NEK7: variants seen among roughly 807,000 people sequenced by gnomAD.
NEK7 encodes NIMA related kinase 7.
Under a neutral mutation model 44.6 loss-of-function variants are expected in NEK7, and 18 were observed. That is an observed-to-expected ratio of 0.40 (90% CI 0.28 to 0.60). NEK7 has a LOEUF of 0.60. Among genes scored for constraint, NEK7 ranks in the 20% least tolerant of loss-of-function variants. The pLI is 0.38. For missense variants in NEK7, 256 were observed against 366.5 expected (o/e 0.70, Z 2.46); for synonymous variants, 130 against 121.1 (o/e 1.07, Z -0.48).
chr1:198,225,204 A>G (rs191332860), intron 1 of NEK7, among the ~76,000 whole-genome samples: 11 of 151,842 alleles, frequency 7.2e-5, no homozygotes, highest in Admixed American at 7.2e-4. Flanking sequence ...AAAAAATTAT[A>G]AAAAAATTTA....
intron 1 of NEK7, among the ~76,000 whole-genome samples, chr1:198,218,107 G>T (rs80143388): frequency 4.7e-4 from 71 of 151,922 alleles, no homozygotes; most frequent in African/African-American, 1.7e-3. Context: ...AGCCCAAATT[G>T]CTAAAACAAT....
At position 198,321,674 on chromosome 1, in the gene NEK7, G is replaced by C. The variant is rs888525408; in HGVS notation, c.*2152G>C. 6.6e-6 allele frequency: 1 copy of C among 152,018 alleles called. No individual in the cohort carries two copies. The highest frequency in any genetic ancestry group is 1.5e-5 in the Non-Finnish European group (1 of 67,928). 9.4% of individuals were successfully genotyped at this position (152,018 alleles called of 1,614,324 possible). The stretch of plus-strand genomic sequence containing the variant: ...GTGGAAACTTTTTGCTTCGAATATT[G>C]TATCTTTTTAAATCTAAATGTTCAT... On this transcript the variant is annotated 3_prime_UTR_variant, in exon 10 of 10. Transcript: ENST00000367385.
intron 7 of NEK7, among the ~76,000 whole-genome samples, chr1:198,282,712 G>A (rs1654244439): frequency 6.6e-6 from 1 of 152,076 alleles, no homozygotes; most frequent in Non-Finnish European, 1.5e-5. Flanking sequence ...TGATGAAGAT[G>A]CAGAGAAAGA....
intron 2 of NEK7, among the ~76,000 whole-genome samples, chr1:198,241,867 G>A (rs1666694050): frequency 6.6e-6 from 1 of 152,182 alleles, no homozygotes; most frequent in African/African-American, 2.4e-5. Context: ...CAAAAATGAT[G>A]ATGATGACTG....
intron 5 of NEK7, among the ~76,000 whole-genome samples, chr1:198,276,831 TCAG>T (rs987448688): frequency 1.3e-5 from 2 of 151,718 alleles, no homozygotes; most frequent in Admixed American, 6.6e-5. Context: ...AGTAAGGATA[TCAG>T]CAGATTTCCT....
At chr1:198,212,807 C>T (rs1665814213) in intron 1 of NEK7, among the ~76,000 whole-genome samples, 1 of 152,240 alleles carries the variant, frequency 6.6e-6, no homozygotes, top group Non-Finnish European at 1.5e-5. Context: ...CGGCTGGAGG[C>T]CAACCAGCAC....
In NEK7 at chr1:198,278,957, T is replaced by C. The variant is rs1301055508; in HGVS notation, c.485T>C (p.Ile162Thr). Reference protein sequence around the residue: ...MHSRRVMHRDIKPANVFITAT... With the variant: ...MHSRRVMHRDTKPANVFITAT... ...TGATCCCTTCATTTATTCACAGATA[T>C]AAAACCAGCTAATGTGTTCATTACA... Residue 162 changes from isoleucine (I) to threonine (T), a missense_variant, in exon 7 of 10, where the codon ATA (isoleucine) becomes ACA (threonine). Around this residue, in one of 3 missense-constraint regions of NEK7, gnomAD observed 102 missense variants for 205.2 expected, o/e 0.50. Coordinates refer to ENST00000367385, the MANE Select transcript of NEK7 (RefSeq NM_133494.3). 1 of 1,584,696 alleles carries C rather than the reference T, an allele frequency of 6.3e-7. No individual in the cohort carries two copies. The highest frequency in any genetic ancestry group is 1.7e-5 in the Admixed American group (1 of 59,308).
chr1:198,201,074 T>C (rs1312735647), intron 1 of NEK7, among the ~76,000 whole-genome samples: 1 of 152,246 alleles, frequency 6.6e-6, no homozygotes. Context: ...TTGTGGTACA[T>C]AATGTGTGGA....
At chr1:198,195,688 G>T (rs186795022) in intron 1 of NEK7, among the ~76,000 whole-genome samples, 49 of 152,192 alleles carry the variant, frequency 3.2e-4, no homozygotes, top group African/African-American at 1.1e-3. Flanking sequence ...AGCCAGGTGT[G>T]GTGGTGCACA....
chr1:198,194,185 A>T lies in NEK7; in HGVS notation c.-29+36909A>T, dbSNP rs1665158647. 4.6e-5 allele frequency among the ~76,000 whole-genome samples: 7 copies of T among 152,234 alleles called. No homozygotes were observed. In the South Asian group the frequency reaches 1.5e-3, roughly 32 times the overall value. On this transcript the variant is annotated intron_variant, in intron 1 of 9. Coordinates refer to ENST00000367385, the MANE Select transcript of NEK7 (RefSeq NM_133494.3). ...AACTTTATTGGAAATCCGGATGGAG[A>T]TGTTTAGGAGAGAGGTTGAACTTGA... is the stretch of plus-strand genomic sequence containing the variant.
chr1:198,255,802 T>A lies in NEK7; in HGVS notation c.198+2622T>A, dbSNP rs192663379. ...AGACAGAAATGATATTGTGAAGATA[T>A]TCTTACCTTATTTATTAGGGAGCAA... On this transcript the variant is annotated intron_variant, in intron 3 of 9. Coordinates refer to ENST00000367385, the MANE Select transcript of NEK7 (RefSeq NM_133494.3). Among the ~76,000 whole-genome samples, 9 of 152,296 alleles carry A rather than the reference T, an allele frequency of 5.9e-5. No individual in the cohort carries two copies. In the East Asian group the frequency reaches 1.7e-3, roughly 29 times the overall value.
chr1:198,302,969 T>A (rs1207116766), intron 9 of NEK7, among the ~76,000 whole-genome samples: 1 of 152,172 alleles, frequency 6.6e-6, no homozygotes, highest in African/African-American at 2.4e-5. Context: ...ACTTACTAAT[T>A]CTTTATTTTT....
At chr1:198,191,739 T>C (rs957100063) in intron 1 of NEK7, among the ~76,000 whole-genome samples, 16 of 152,120 alleles carry the variant, frequency 1.1e-4, no homozygotes, top group Admixed American at 9.8e-4. Context: ...CTTCAAAAAG[T>C]TGTAAAGTTC....
At chr1:198,271,905 T>TTATATATATATATATATATATA (rs34354855) in intron 5 of NEK7, among the ~76,000 whole-genome samples, 13 of 141,374 alleles carry the variant, frequency 9.2e-5, no homozygotes, top group African/African-American at 3.1e-4. Context: ...AATTTATATT[T>TTATATATATATATATATATATA]TATATATATA....
chr1:198,302,310 T>C (rs1251316942), intron 9 of NEK7, among the ~76,000 whole-genome samples: 1 of 152,030 alleles, frequency 6.6e-6, no homozygotes, highest in African/African-American at 2.4e-5. Context: ...ATCTCCTTTC[T>C]ATTATTTTTG....
chr1:198,207,099 C>T (rs184078411), intron 1 of NEK7: 1 of 151,988 alleles, frequency 6.6e-6, no homozygotes, highest in East Asian at 1.9e-4. Context: ...TTCTTTATCA[C>T]TTGATGAATT....
chr1:198,318,829 A>G (rs1194308116), intron 9 of NEK7, among the ~76,000 whole-genome samples: 2 of 152,150 alleles, frequency 1.3e-5, no homozygotes, highest in African/African-American at 4.8e-5. Flanking sequence ...AAGTGAGGAC[A>G]TTTAAATACT....
intron 1 of NEK7, among the ~76,000 whole-genome samples, chr1:198,190,315 C>T (rs1337616078): frequency 6.6e-6 from 1 of 152,024 alleles, no homozygotes; most frequent in African/African-American, 2.4e-5. Context: ...CAGCGTGCCT[C>T]CGTCTTCTTA....
intron 2 of NEK7, among the ~76,000 whole-genome samples, chr1:198,236,770 C>T (rs1191818171): frequency 2.6e-5 from 4 of 152,158 alleles, no homozygotes; most frequent in African/African-American, 4.8e-5. Context: ...TCTACTGGGT[C>T]CGTGCTACTA....
Sources: gnomAD v4.1 joint callset for allele counts (sites outside exome capture counted in the v4.1 genomes callset) on GRCh38, gnomAD v4.1.1 for gene constraint, gnomAD v4.1.1 regional missense constraint, MANE v1.5 for transcripts, NCBI Gene and HGNC (gene_info 2026-07-23, HGNC 2026-07-21) for gene names.